Variants in VSNL1 observed in about 807,000 individuals in gnomAD.
The protein encoded by VSNL1 is visinin-like protein 1.
VSNL1 carries 6 observed loss-of-function variants against 20.4 expected under a neutral mutation model. The ratio of observed to expected loss-of-function variants is 0.29; its 90% CI spans 0.16 to 0.58. VSNL1 has a LOEUF of 0.58. VSNL1 is among the 20% of genes least tolerant of loss of function. The pLI, the probability that VSNL1 is intolerant of heterozygous loss-of-function variation, is 0.90. For synonymous variants in VSNL1, 93 were observed against 86.4 expected (o/e 1.08, Z -0.42); for missense variants, 100 against 234.5 (o/e 0.43, Z 3.75).
chr2:17,592,056 T>A lies in VSNL1; in HGVS notation c.-5-14T>A, dbSNP rs1223037900. 1 of 1,613,402 alleles carries A rather than the reference T, an allele frequency of 6.2e-7. No homozygotes were observed. Among genetic ancestry groups the A allele is most frequent in the Non-Finnish European group, 8.5e-7 (1 of 1,179,572 alleles). On this transcript the variant is annotated splice_polypyrimidine_tract_variant and intron_variant, in intron 1 of 3. Transcript: ENST00000295156. Reference sequence around the variant, plus strand: ...CAGCCACAGCGCTAATTGAATTAATTTGCTTTTCTTCAGGCAGGATGGGGA... The same window carrying A: ...CAGCCACAGCGCTAATTGAATTAATATGCTTTTCTTCAGGCAGGATGGGGA...
intron 2 of VSNL1, among the ~76,000 whole-genome samples, chr2:17,592,639 TC>T (rs1664618748): frequency 1.2e-5 from 1 of 80,272 alleles, no homozygotes; most frequent in Non-Finnish European, 2.4e-5. Context: ...TCTCTCTCTC[TC>T]TTTTTTTTTT....
intron 2 of VSNL1, among the ~76,000 whole-genome samples, chr2:17,601,536 T>C (rs1485627822): frequency 6.6e-6 from 1 of 152,010 alleles, no homozygotes; most frequent in Non-Finnish European, 1.5e-5. Context: ...CTGGGGAGGC[T>C]GAGGCAGAAG....
chr2:17,625,905 T>C (rs1483962314), intron 2 of VSNL1, among the ~76,000 whole-genome samples: 1 of 147,654 alleles, frequency 6.8e-6, no homozygotes, highest in Non-Finnish European at 1.5e-5. Context: ...CCGGTTCAAG[T>C]GATTCTCCTG....
intron 1 of VSNL1, among the ~76,000 whole-genome samples, chr2:17,556,119 A>T (rs1362818994): frequency 6.6e-6 from 1 of 152,160 alleles, no homozygotes; most frequent in Admixed American, 6.5e-5. Flanking sequence ...GTGGTTCAGG[A>T]TCCATGAGTT....
intron 2 of VSNL1, among the ~76,000 whole-genome samples, chr2:17,632,107 G>A (rs535289900): frequency 1.2e-4 from 19 of 152,142 alleles, no homozygotes; most frequent in Admixed American, 9.2e-4. Flanking sequence ...GGCTGGTCTC[G>A]AACTCCTCAC....
intron 1 of VSNL1, among the ~76,000 whole-genome samples, chr2:17,567,199 T>A (rs1663967407): frequency 6.6e-6 from 1 of 152,076 alleles, no homozygotes; most frequent in African/African-American, 2.4e-5. Context: ...TATAAGATGA[T>A]TTGGTTTCCA....
At chr2:17,584,413 A>G (rs1664421845) in intron 1 of VSNL1, among the ~76,000 whole-genome samples, 1 of 152,250 alleles carries the variant, frequency 6.6e-6, no homozygotes, top group South Asian at 2.1e-4. Flanking sequence ...CTGACCCCCA[A>G]GGGTCAGATG....
chr2:17,592,360 A>T, intron 2 of VSNL1, 124 bp downstream of exon 2: 1 of 1,035,840 alleles, frequency 9.7e-7, no homozygotes, highest in South Asian at 1.7e-5. Flanking sequence ...GCTGTTTTCC[A>T]TCCAGAAAGA....
chr2:17,623,399 G>A (rs545340824), intron 2 of VSNL1, among the ~76,000 whole-genome samples: 9 of 151,508 alleles, frequency 5.9e-5, no homozygotes, highest in African/African-American at 1.9e-4. Context: ...GCTGGGCACG[G>A]TGGCTCACGT....
At chr2:17,569,335 A>C (rs917112353) in intron 1 of VSNL1, among the ~76,000 whole-genome samples, 7 of 151,322 alleles carry the variant, frequency 4.6e-5, no homozygotes, top group African/African-American at 9.7e-5. Context: ...AAAATAAATA[A>C]ATTAAATAAA....
At chr2:17,542,205 TTG>T (rs34052744) in intron 1 of VSNL1, among the ~76,000 whole-genome samples, 42,050 of 151,756 alleles carry the variant, frequency 0.28, 6,556 homozygotes, top group Middle Eastern at 0.36. Context: ...CTACGTGTGT[TTG>T]TGTGTGTGTG....
At chr2:17,591,827 T>A (rs1664598500) in intron 1 of VSNL1, among the ~76,000 whole-genome samples, 1 of 152,096 alleles carries the variant, frequency 6.6e-6, no homozygotes, top group Admixed American at 6.6e-5. Flanking sequence ...CAACACCATA[T>A]GAAAGATGAC....
At chr2:17,632,778 A>T (rs753596392) in intron 2 of VSNL1, among the ~76,000 whole-genome samples, 1 of 152,268 alleles carries the variant, frequency 6.6e-6, no homozygotes, top group Non-Finnish European at 1.5e-5. Flanking sequence ...TCAGTTATAC[A>T]TTGAATAAAT....
chr2:17,556,158 T>C (rs1044698532), intron 1 of VSNL1, among the ~76,000 whole-genome samples: 1 of 152,178 alleles, frequency 6.6e-6, no homozygotes, highest in Non-Finnish European at 1.5e-5. Flanking sequence ...AGAAGAACTC[T>C]TGGACCCTGA....
At chr2:17,584,542 C>G (rs1017075792) in intron 1 of VSNL1, among the ~76,000 whole-genome samples, 39 of 152,142 alleles carry the variant, frequency 2.6e-4, no homozygotes, top group African/African-American at 9.2e-4. Flanking sequence ...CCAATGTCCG[C>G]TGCCAGCACC....
intron 2 of VSNL1, 112 bp downstream of exon 2, chr2:17,592,348 T>G: frequency 8.4e-7 from 1 of 1,190,670 alleles, no homozygotes; most frequent in Non-Finnish European, 1.2e-6. Context: ...GTTTCAACTC[T>G]GGCTGTTTTC....
intron 1 of VSNL1, among the ~76,000 whole-genome samples, chr2:17,582,243 G>A (rs1351700039): frequency 6.6e-6 from 1 of 152,130 alleles, no homozygotes; most frequent in East Asian, 1.9e-4. Flanking sequence ...AAGGAGGAAG[G>A]TGGGAGGCTG....
At chr2:17,619,263 C>T (rs999140124) in intron 2 of VSNL1, among the ~76,000 whole-genome samples, 1 of 152,176 alleles carries the variant, frequency 6.6e-6, no homozygotes. Context: ...ATTCTTCCTT[C>T]TTTTATCTGT....
intron 2 of VSNL1, among the ~76,000 whole-genome samples, chr2:17,600,168 A>G (rs1419501732): frequency 6.6e-6 from 1 of 152,210 alleles, no homozygotes; most frequent in East Asian, 1.9e-4. Context: ...GTTCTGCCAT[A>G]CACTAGCAGT....
Sources: allele counts gnomAD v4.1 joint callset (sites outside exome capture counted in the v4.1 genomes callset), GRCh38; gene constraint gnomAD v4.1.1; transcripts MANE v1.5; gene names NCBI Gene and HGNC (gene_info 2026-07-23, HGNC 2026-07-21).